CELF2: variants seen among roughly 807,000 people sequenced by gnomAD.
CELF2 encodes the protein CUGBP Elav-like family member 2, also known as CUG triplet repeat RNA-binding protein 2.
A neutral mutation model predicts 62.6 loss-of-function variants in CELF2; 8 were observed. That is an observed-to-expected ratio of 0.13 (90% CI 0.07 to 0.23). The LOEUF is 0.23. CELF2 is among the 10% of genes least tolerant of loss of function. CELF2 has a pLI of 1.00. For synonymous variants in CELF2, 258 were observed against 250.0 expected (o/e 1.03, Z -0.30); for missense variants, 333 against 671.0 (o/e 0.50, Z 5.56).
Position 11,208,989 on chromosome 10 carries a change from G to A in CELF2, c.272-8436G>A, listed in dbSNP as rs377431188. Among the ~76,000 whole-genome samples the A allele has an allele frequency of 2.6e-5, 4 of 152,302 alleles. 1 individual carries two copies. Among genetic ancestry groups the A allele is most frequent in the African/African-American group, 9.6e-5 (4 of 41,550 alleles). ...ACTTCTTCTCATTTTATTTTTTATA[G>A]TGTTCAGTTTAAAGGCGTAAAAGGC... On this transcript the variant is annotated intron_variant, in intron 2 of 12. Coordinates refer to ENST00000633077, the MANE Select transcript of CELF2 (RefSeq NM_001326342.2).
intron 12 of CELF2, 71 bp downstream of exon 12, chr10:11,326,050 G>T (rs772769791): frequency 6.8e-7 from 1 of 1,474,024 alleles, no homozygotes; most frequent in South Asian, 1.3e-5. Context: ...AGGAAAATGT[G>T]AGACAGTTTC....
upstream of CELF2, among the ~76,000 whole-genome samples, chr10:10,795,861 C>T (rs1471665442): frequency 6.6e-6 from 1 of 152,038 alleles, no homozygotes; most frequent in African/African-American, 2.4e-5. Context: ...CAAACGTTAT[C>T]CTCCTAAACT....
At chr10:10,810,266 AT>A (rs999812026) in intron 1 of CELF2, among the ~76,000 whole-genome samples, 1 of 152,174 alleles carries the variant, frequency 6.6e-6, no homozygotes, top group African/African-American at 2.4e-5. Context: ...TCTTTACTCC[AT>A]TTTTTTAATC....
rs2065754798 is a variant in CELF2 at position 10,928,451 on chromosome 10, T to C, written c.89+8452T>C. ...TCTTCTAGATCCGGATTTTGCAAAC[T>C]ACAGCCCACAGACGAAATCTAGATA... On this transcript the variant is annotated intron_variant, in intron 2 of 13. Coordinates refer to the CELF2 transcript ENST00000636488. This position sits in a 1 kb window ranked among gnomAD's most constrained non-coding sequence, Gnocchi z 4.8. 6.6e-6 allele frequency among the ~76,000 whole-genome samples: 1 copy of C among 152,198 alleles called. No individual in the cohort carries two copies. Among genetic ancestry groups the C allele is most frequent in the South Asian group, 2.1e-4 (1 of 4,828 alleles).
rs1343853624 is a variant in CELF2 at position 10,972,755 on chromosome 10, C to T, written c.89+52756C>T. On this transcript the variant is annotated intron_variant, in intron 2 of 13. Transcript: ENST00000636488. The surrounding 1 kb of genome is among the most constrained non-coding windows in gnomAD (Gnocchi z 4.4). ...CAACTCACAAGGTCACGTCCACTCA[C>T]ACCCTTCCTTTTTGATCTGTTCCTA... 6.6e-6 allele frequency among the ~76,000 whole-genome samples: 1 copy of T among 152,184 alleles called. No homozygotes were observed. Among genetic ancestry groups the T allele is most frequent in the Non-Finnish European group, 1.5e-5 (1 of 68,036 alleles).
At chr10:10,648,187 G>A in the CELF2 span, among the ~76,000 whole-genome samples, 2 of 152,222 alleles carry the variant, frequency 1.3e-5, no homozygotes, top group South Asian at 2.1e-4. Flanking sequence ...CCATGTTGAC[G>A]TCATTTACCT....
the CELF2 span, among the ~76,000 whole-genome samples, chr10:10,561,171 A>G: frequency 1.3e-5 from 2 of 152,144 alleles, no homozygotes; most frequent in Non-Finnish European, 2.9e-5. Context: ...GAAAAATAAA[A>G]TTTTTAAAAA....
intron 2 of CELF2, among the ~76,000 whole-genome samples, chr10:10,992,573 T>C (rs2053549886): frequency 6.6e-6 from 1 of 152,176 alleles, no homozygotes; most frequent in African/African-American, 2.4e-5. Context: ...CAATGAAGTA[T>C]AATAAATGAT....
chr10:11,183,459 C>T (rs1483693305), intron 2 of CELF2, among the ~76,000 whole-genome samples: 2 of 152,186 alleles, frequency 1.3e-5, no homozygotes, highest in Non-Finnish European at 2.9e-5. Context: ...CAGCTAGACA[C>T]CTTAAGAGTG....
Position 10,814,387 on chromosome 10 carries a change from C to T in CELF2, c.53+15570C>T, listed in dbSNP as rs553340610. 1.1e-4 allele frequency among the ~76,000 whole-genome samples: 16 copies of T among 152,266 alleles called. 1 individual carries two copies. Among genetic ancestry groups the T allele is most frequent in the Non-Finnish European group, 2.2e-4 (15 of 68,016 alleles). ...TCCATGATTGCTGTCTTCATCGCCA[C>T]AAAATCTAACCTCTTCTTTTGGATG... On this transcript the variant is annotated intron_variant, in intron 1 of 13. Transcript: ENST00000636488.
At chr10:10,639,260 C>T in the CELF2 span, among the ~76,000 whole-genome samples, 1 of 152,244 alleles carries the variant, frequency 6.6e-6, no homozygotes, top group East Asian at 1.9e-4. Context: ...TTATTGTCAG[C>T]TTATGGCTTA....
Position 11,237,253 on chromosome 10 carries a change from C to T in CELF2, c.355-11900C>T, listed in dbSNP as rs975589256. ...GGATTTCAAGGGGTAGAAAATTAAG[C>T]AAATTTAGAGCCACGCCAGAGTGTT... On this transcript the variant is annotated intron_variant, in intron 3 of 12. Transcript: ENST00000633077. This position sits in a 1 kb window ranked among gnomAD's most constrained non-coding sequence, Gnocchi z 4.0. 6.6e-6 allele frequency among the ~76,000 whole-genome samples: 1 copy of T among 152,068 alleles called. No individual in the cohort carries two copies. The highest frequency in any genetic ancestry group is 6.5e-5 in the Admixed American group (1 of 15,270).
chr10:11,267,562 T>C lies in CELF2; in HGVS notation c.618+885T>C, dbSNP rs563812344. On this transcript the variant is annotated intron_variant, in intron 6 of 12. Transcript: ENST00000633077. The surrounding 1 kb of genome is among the most constrained non-coding windows in gnomAD (Gnocchi z 4.4). ...TTCCGGAGGTGGCCTTGTGGTGTTATCTGAAGCTGTGTTTTCATATTTTGA... is the reference window on the plus strand; with the variant it reads ...TTCCGGAGGTGGCCTTGTGGTGTTACCTGAAGCTGTGTTTTCATATTTTGA... 1.3e-5 allele frequency among the ~76,000 whole-genome samples: 2 copies of C among 152,380 alleles called. No individual in the cohort carries two copies. The highest frequency in any genetic ancestry group is 4.1e-4 in the South Asian group (2 of 4,828).
At chr10:10,505,874 C>T in the CELF2 span, among the ~76,000 whole-genome samples, 8 of 152,124 alleles carry the variant, frequency 5.3e-5, no homozygotes, top group South Asian at 2.1e-4. Flanking sequence ...GAATTGGCAA[C>T]GACTTCAGCT....
chr10:10,610,648 T>A, the CELF2 span, among the ~76,000 whole-genome samples: 1 of 152,200 alleles, frequency 6.6e-6, no homozygotes, highest in Admixed American at 6.5e-5. Flanking sequence ...TTAATTCAAC[T>A]GCAGTTAACT....
chr10:10,893,283 A>G (rs941190762), intron 1 of CELF2, among the ~76,000 whole-genome samples: 31 of 152,242 alleles, frequency 2.0e-4, no homozygotes, highest in Non-Finnish European at 4.0e-4. Flanking sequence ...GTAATTACAC[A>G]TAGAGAAAGA....
chr10:10,621,950 C>G, the CELF2 span, among the ~76,000 whole-genome samples: 1 of 152,136 alleles, frequency 6.6e-6, no homozygotes, highest in Non-Finnish European at 1.5e-5. Flanking sequence ...TTCCTTCAGC[C>G]CTAAATTCTA....
chr10:10,734,451 C>T, the CELF2 span, among the ~76,000 whole-genome samples: 1 of 152,182 alleles, frequency 6.6e-6, no homozygotes, highest in East Asian at 1.9e-4. Flanking sequence ...TATGTGTGTC[C>T]TCATTTGACT....
At chr10:10,780,354 G>T in the CELF2 span, among the ~76,000 whole-genome samples, 2 of 152,120 alleles carry the variant, frequency 1.3e-5, no homozygotes, top group East Asian at 1.9e-4. Flanking sequence ...AAGAAGATAG[G>T]TGCTCAGTGC....
Sources: allele counts gnomAD v4.1 joint callset (sites outside exome capture counted in the v4.1 genomes callset), GRCh38; gene constraint gnomAD v4.1.1; non-coding constraint Gnocchi (gnomAD v3.1); transcripts MANE v1.5; gene names NCBI Gene and HGNC (gene_info 2026-07-23, HGNC 2026-07-21).